NPIPB2: variants seen among roughly 807,000 people sequenced by gnomAD.
The protein encoded by NPIPB2 is nuclear pore complex-interacting protein family member B2.
NPIPB2 carries 27 observed loss-of-function variants against 30.8 expected under a neutral mutation model. That is an observed-to-expected ratio of 0.88 (90% confidence interval 0.65 to 1.21). The LOEUF (loss-of-function observed/expected upper bound fraction) is 1.21, where lower values mean the gene tolerates loss of function less well. Among genes scored for constraint, NPIPB2 ranks in the 50% most tolerant of loss-of-function variants. NPIPB2 has a pLI of 0.00. For synonymous variants in NPIPB2, 147 were observed against 162.0 expected (o/e 0.91, Z 0.70); for missense variants, 440 against 446.2 (o/e 0.99, Z 0.13).
intron 1 of NPIPB2, among the ~76,000 whole-genome samples, chr16:11,952,152 CA>C (rs374679048): frequency 3.6e-5 from 3 of 82,350 alleles, no homozygotes. Flanking sequence ...GACTCTGCCT[CA>C]AAAAAAAAAA....
chr16:11,933,758 G>T (rs1413909237), intron 3 of NPIPB2, 46 bp from the exon 4 acceptor site: 14 of 1,595,864 alleles, frequency 8.8e-6, no homozygotes, highest in Non-Finnish European at 1.1e-5. Context: ...CTGAGGGCAA[G>T]AAGCTGTTCT....
chr16:11,975,080 C>T (rs996679304), intron 1 of NPIPB2, among the ~76,000 whole-genome samples: 6 of 134,360 alleles, frequency 4.5e-5, no homozygotes, highest in Non-Finnish European at 6.3e-5. Context: ...GTCTCAAAAA[C>T]AAAACAAAAC....
chr16:11,940,742 A>C (rs2054926859), intron 1 of NPIPB2, among the ~76,000 whole-genome samples: 1 of 132,804 alleles, frequency 7.5e-6, no homozygotes, highest in Non-Finnish European at 1.6e-5. Context: ...CCTGGGCGAC[A>C]GAGTGAGACT....
chr16:11,976,066 A>G (rs1391119733), intron 1 of NPIPB2, among the ~76,000 whole-genome samples: 1 of 151,960 alleles, frequency 6.6e-6, no homozygotes, highest in African/African-American at 2.4e-5. Flanking sequence ...TCCTAGAATT[A>G]GGCAGAAAAG....
At chr16:11,934,553 C>CAAA (rs1184843851) in intron 2 of NPIPB2, among the ~76,000 whole-genome samples, 179 of 72,998 alleles carry the variant, frequency 2.5e-3, no homozygotes, top group African/African-American at 9.6e-3. Context: ...AACTCTGTCT[C>CAAA]AAAAAAAAAA....
At chr16:11,964,667 G>T (rs556221212) in intron 1 of NPIPB2, among the ~76,000 whole-genome samples, 1 of 152,066 alleles carries the variant, frequency 6.6e-6, no homozygotes, top group East Asian at 1.9e-4. Flanking sequence ...CACCTGCCTC[G>T]GCCTCCCAAA....
chr16:11,950,965 A>G (rs1047413633), intron 1 of NPIPB2, among the ~76,000 whole-genome samples: 2 of 150,234 alleles, frequency 1.3e-5, no homozygotes, highest in Non-Finnish European at 2.9e-5. Context: ...ATACTAACAT[A>G]TATACATGAT....
chr16:11,947,334 A>ACT (rs2055021763), intron 1 of NPIPB2, among the ~76,000 whole-genome samples: 4 of 144,944 alleles, frequency 2.8e-5, no homozygotes, highest in African/African-American at 1.0e-4. Flanking sequence ...ATATATATAT[A>ACT]TATTTATTTA....
At position 11,951,659 on chromosome 16, in the gene NPIPB2, CACACA is replaced by C. The variant is rs2055065770; in HGVS notation, c.-583-9550_-583-9546del. ...ACACACACACACACACACACACACACACACACACCCAGCCCCCAAACAACAAAATT... is the reference window on the plus strand; with the variant it reads ...ACACACACACACACACACACACACACCACCCAGCCCCCAAACAACAAAATT... On this transcript the variant is annotated intron_variant, in intron 1 of 5. Transcript: ENST00000538896. Among the ~76,000 whole-genome samples the C allele has an allele frequency of 3.4e-5, 5 of 148,790 alleles. No homozygotes were observed. In the South Asian group the frequency reaches 1.2e-3, roughly 34 times the overall value.
chr16:11,967,462 G>C (rs1390611242), intron 1 of NPIPB2: 2 of 1,222,928 alleles, frequency 1.6e-6, no homozygotes, highest in Non-Finnish European at 2.3e-6. Context: ...TCTAAAAAAT[G>C]AAAAAATCTC....
intron 1 of NPIPB2, among the ~76,000 whole-genome samples, chr16:11,954,384 A>T (rs1355389825): frequency 2.0e-5 from 3 of 151,940 alleles, no homozygotes; most frequent in Admixed American, 2.0e-4. Flanking sequence ...AGGCTGAGGC[A>T]GAAGAATCAC....
upstream of NPIPB2, among the ~76,000 whole-genome samples, chr16:11,944,459 A>G (rs958774797): frequency 1.3e-5 from 2 of 151,128 alleles, no homozygotes; most frequent in Admixed American, 6.6e-5. Flanking sequence ...GAGCCACCAC[A>G]CCTGGCCTTA....
intron 1 of NPIPB2, among the ~76,000 whole-genome samples, chr16:11,973,940 A>C (rs1365730648): frequency 6.6e-6 from 1 of 152,208 alleles, no homozygotes; most frequent in Non-Finnish European, 1.5e-5. Flanking sequence ...TTATGCTGTA[A>C]ACAGTTCTCT....
intron 1 of NPIPB2, among the ~76,000 whole-genome samples, chr16:11,954,304 T>C (rs1204579049): frequency 2.0e-5 from 3 of 151,710 alleles, no homozygotes; most frequent in African/African-American, 7.3e-5. Context: ...CTGGGCAATG[T>C]AGCGAGACCC....
intron 1 of NPIPB2, among the ~76,000 whole-genome samples, chr16:11,940,502 G>C (rs1391668246): frequency 2.0e-5 from 3 of 150,364 alleles, no homozygotes; most frequent in Admixed American, 1.3e-4. Context: ...GCACTGGGAG[G>C]CTGAGGCAGG....
exon 1 of NPIPB2, chr16:11,942,012 C>T (rs570197929): frequency 4.8e-5 from 64 of 1,320,900 alleles, no homozygotes; most frequent in South Asian, 3.3e-4. Flanking sequence ...TTACAGCCTC[C>T]GCTCAGCCAT....
At chr16:11,965,636 G>C (rs1486904153) in intron 1 of NPIPB2, among the ~76,000 whole-genome samples, 1 of 152,100 alleles carries the variant, frequency 6.6e-6, no homozygotes, top group Admixed American at 6.6e-5. Context: ...AACTGAACTT[G>C]ATATGATTCA....
In NPIPB2 at chr16:11,937,672, G is replaced by A; in HGVS notation, c.64-4C>T. The stretch of plus-strand genomic sequence containing the variant: ...GGTCAGCCAGAGTATTGATAACCTG[G>A]AATAATAATAGTTGAAATAATGAAA... On this transcript the variant is annotated splice_polypyrimidine_tract_variant and splice_region_variant and intron_variant, in intron 1 of 7. Coordinates refer to ENST00000399147, the Ensembl canonical transcript of NPIPB2. 1.9e-6 allele frequency: 3 copies of A among 1,598,172 alleles called. No homozygotes were observed. Among genetic ancestry groups the A allele is most frequent in the Non-Finnish European group, 2.5e-6 (3 of 1,179,148 alleles).
chr16:11,962,851 G>A (rs10451098), intron 1 of NPIPB2, among the ~76,000 whole-genome samples: 7 of 151,842 alleles, frequency 4.6e-5, no homozygotes, highest in African/African-American at 1.2e-4. Flanking sequence ...GGTGGATCAC[G>A]AGGTCAGGAG....
Sources: gnomAD v4.1 joint callset for allele counts (sites outside exome capture counted in the v4.1 genomes callset) on GRCh38, gnomAD v4.1.1 for gene constraint, MANE v1.5 for transcripts, NCBI Gene and HGNC (gene_info 2026-07-23, HGNC 2026-07-21) for gene names.